The following COL6A5 variants were observed in gnomAD, a reference collection of about 807,000 sequenced individuals.
COL6A5 encodes collagen type VI alpha 5 chain, also known as collagen alpha-5(VI) chain.
A neutral mutation model predicts 65.6 loss-of-function variants in COL6A5; 48 were observed. The observed-to-expected ratio is 0.73, with a 90% CI of 0.58 to 0.93. COL6A5 has a LOEUF of 0.93. COL6A5 is among the 40% of genes least tolerant of loss of function. The pLI is 0.00. For missense variants in COL6A5, 914 were observed against 928.3 expected, an observed-to-expected ratio of 0.98 and a Z score of 0.20; for synonymous variants, 291 against 322.8, an observed-to-expected ratio of 0.90 and a Z score of 1.05.
intron 7 of COL6A5, among the ~76,000 whole-genome samples, chr3:130,474,433 A>G (rs1247569432): frequency 6.6e-6 from 1 of 152,140 alleles, no homozygotes; most frequent in Non-Finnish European, 1.5e-5. Flanking sequence ...ACAGAGAACC[A>G]GGAGATGTGA....
chr3:130,423,794 T>C (rs1577495348), intron 28 of COL6A5, 44 bp from the exon 29 acceptor site: 7 of 1,432,786 alleles, frequency 4.9e-6, no homozygotes, highest in South Asian at 2.5e-5. Flanking sequence ...TCCCCATAGA[T>C]AGACAGTGTT....
At chr3:130,353,580 A>G (rs141707373) in intron 1 of COL6A5, among the ~76,000 whole-genome samples, 9 of 152,302 alleles carry the variant, frequency 5.9e-5, no homozygotes, top group African/African-American at 1.9e-4. Context: ...TGTGAAAAAT[A>G]GAGTTTTGAT....
intron 7 of COL6A5, chr3:130,471,764 G>A (rs1709958610): frequency 1.3e-6 from 2 of 1,534,636 alleles, no homozygotes; most frequent in East Asian, 2.4e-5. Context: ...ACATCTCCTT[G>A]TATTAGGGAA....
chr3:130,388,902 C>T, exon 6 of COL6A5: 1 of 1,545,580 alleles, frequency 6.5e-7, no homozygotes, highest in South Asian at 1.2e-5. Context: ...GTTTGGGGGC[C>T]AAAAAATTTC....
At chr3:130,380,103 T>A in intron 4 of COL6A5, 53 bp downstream of exon 4, 1 of 1,284,882 alleles carries the variant, frequency 7.8e-7, no homozygotes, top group Non-Finnish European at 1.1e-6. Flanking sequence ...AGTGGTTACC[T>A]AGGACTAGGG....
Position 130,422,407 on chromosome 3 carries a change from T to C in COL6A5, c.5038-313T>C, listed in dbSNP as rs541381287. ...ATAAAGTAATTCATTATTTATTTCATATAGTCAATACTCCAAATGTTTTTC... is the reference window on the plus strand; with the variant it reads ...ATAAAGTAATTCATTATTTATTTCACATAGTCAATACTCCAAATGTTTTTC... On this transcript the variant is annotated intron_variant and NMD_transcript_variant, in intron 27 of 41. Coordinates refer to the COL6A5 transcript ENST00000312481. 4.6e-5 allele frequency among the ~76,000 whole-genome samples: 7 copies of C among 152,190 alleles called. No individual in the cohort carries two copies. The South Asian group carries it at 1.4e-3, about 31-fold the overall frequency.
chr3:130,401,111 G>T, exon 11 of COL6A5: 1 of 1,550,922 alleles, frequency 6.4e-7, no homozygotes, highest in Non-Finnish European at 8.7e-7. Context: ...AAAAAGATTC[G>T]ATTACAGGAC....
chr3:130,368,524 T>C (rs575409896), intron 1 of COL6A5, among the ~76,000 whole-genome samples: 2 of 150,772 alleles, frequency 1.3e-5, no homozygotes, highest in African/African-American at 4.9e-5. Flanking sequence ...GGTCGGTGTG[T>C]ATGTGTGAGT....
At chr3:130,384,951 T>G in exon 5 of COL6A5, 1 of 1,550,864 alleles carries the variant, frequency 6.4e-7, no homozygotes, top group South Asian at 1.2e-5. Flanking sequence ...CGAGTTGGAG[T>G]TGTGCAGTAT....
chr3:130,419,641 T>C (rs116805217), intron 25 of COL6A5, among the ~76,000 whole-genome samples: 2 of 152,206 alleles, frequency 1.3e-5, no homozygotes, highest in South Asian at 4.1e-4. Context: ...GAGAACATTA[T>C]GTGAAGTGAA....
chr3:130,461,273 G>A (rs1709695980), intron 5 of COL6A5, among the ~76,000 whole-genome samples: 1 of 151,894 alleles, frequency 6.6e-6, no homozygotes, highest in Non-Finnish European at 1.5e-5. Context: ...GCTTTGGGGG[G>A]ATCAATATTT....
At chr3:130,405,330 G>A (rs748857507) in intron 13 of COL6A5, among the ~76,000 whole-genome samples, 2 of 152,122 alleles carry the variant, frequency 1.3e-5, no homozygotes, top group Non-Finnish European at 2.9e-5. Context: ...TAGTGAAGTG[G>A]CTGAGCTCTT....
intron 1 of COL6A5, among the ~76,000 whole-genome samples, chr3:130,436,805 G>A (rs905347451): frequency 1.3e-5 from 2 of 151,862 alleles, no homozygotes; most frequent in African/African-American, 2.4e-5. Context: ...TCAGAATGTC[G>A]GTATTGCCCA....
chr3:130,475,036 A>G (rs57101373), intron 7 of COL6A5, among the ~76,000 whole-genome samples: 732 of 53,472 alleles, frequency 0.014, 10 homozygotes, highest in African/African-American at 0.023. Flanking sequence ...AAAAAGGAAA[A>G]GAAAAGAAAA....
At chr3:130,439,373 G>A in intron 1 of COL6A5, 149 bp from the exon 34 acceptor site, 1 of 555,920 alleles carries the variant, frequency 1.8e-6, no homozygotes, top group Non-Finnish European at 3.3e-6. Flanking sequence ...GTGTGTGTGT[G>A]TGTGTGAACA....
In COL6A5 at chr3:130,473,793, T is replaced by C. The variant is rs112609913; in HGVS notation, c.2328+2826T>C. ...CAGCTGACCAATCGTTACCTCCTCC[T>C]CCCTGCTCTTGCTACTCAATAAATA... On this transcript the variant is annotated intron_variant, in intron 7 of 7. Transcript: ENST00000512836. Among the ~76,000 whole-genome samples the C allele has an allele frequency of 7.3e-3, 1,117 of 152,200 alleles. 11 individuals are homozygous for C. Among genetic ancestry groups the C allele is most frequent in the African/African-American group, 0.025 (1,057 of 41,538 alleles).
rs149063386 is a variant in COL6A5, at chr3:130,434,231, T to C, written c.487+2282T>C. On this transcript the variant is annotated intron_variant, in intron 1 of 7. Transcript: ENST00000512836. Reference sequence around the variant, plus strand: ...TGTTAGTTTGCTGGGGATGATGGCTTCCAGCTTCATCCATGTCCCTGCAAA... The same window carrying C: ...TGTTAGTTTGCTGGGGATGATGGCTCCCAGCTTCATCCATGTCCCTGCAAA... Among the ~76,000 whole-genome samples the C allele has an allele frequency of 2.7e-3, 413 of 152,302 alleles. 3 individuals are homozygous for C. The highest frequency in any genetic ancestry group is 8.5e-3 in the African/African-American group (352 of 41,548).
intron 17 of COL6A5, among the ~76,000 whole-genome samples, chr3:130,407,972 A>G (rs1276075216): frequency 6.6e-6 from 1 of 152,122 alleles, no homozygotes; most frequent in Non-Finnish European, 1.5e-5. Flanking sequence ...TCTTAATCCC[A>G]TCATCTTTGT....
intron 2 of COL6A5, among the ~76,000 whole-genome samples, chr3:130,439,921 T>C (rs1709133773): frequency 6.6e-6 from 1 of 152,216 alleles, no homozygotes; most frequent in Admixed American, 6.5e-5. Context: ...ACATGACTTG[T>C]ACACTGCAGG....
Sources: allele counts gnomAD v4.1 joint callset (sites outside exome capture counted in the v4.1 genomes callset), GRCh38; gene constraint gnomAD v4.1.1; transcripts MANE v1.5; gene names NCBI Gene and HGNC (gene_info 2026-07-23, HGNC 2026-07-21).